The following GBF1 variants were observed in gnomAD, a reference collection of about 807,000 sequenced individuals.
GBF1 encodes golgi brefeldin A resistant guanine nucleotide exchange factor 1, also known as Golgi-specific brefeldin A-resistance guanine nucleotide exchange factor 1.
GBF1 carries 114 observed loss-of-function variants against 210.5 expected under a neutral mutation model. The ratio of observed to expected loss-of-function variants is 0.54; its 90% confidence interval spans 0.47 to 0.63. The LOEUF (loss-of-function observed/expected upper bound fraction) is 0.63, where lower values mean the gene tolerates loss of function less well. Among genes scored for constraint, GBF1 ranks in the 30% least tolerant of loss-of-function variants. The pLI is 0.00. For missense variants in GBF1, 1,851 were observed against 2,357.7 expected (o/e 0.79, Z 4.45); for synonymous variants, 850 against 889.2 (o/e 0.96, Z 0.78).
intron 3 of GBF1, among the ~76,000 whole-genome samples, chr10:102,326,244 A>G (rs2056890199): frequency 6.6e-6 from 1 of 152,250 alleles, no homozygotes; most frequent in African/African-American, 2.4e-5. Flanking sequence ...TCATACTTTT[A>G]GCAATGGGGA....
chr10:102,251,672 G>T (rs934985683), intron 1 of GBF1, among the ~76,000 whole-genome samples: 1 of 152,066 alleles, frequency 6.6e-6, no homozygotes, highest in African/African-American at 2.4e-5. Context: ...TCCTGCCTTA[G>T]CCTCCCAAGT....
At chr10:102,321,638 C>G (rs1292294959) in intron 3 of GBF1, among the ~76,000 whole-genome samples, 1 of 152,204 alleles carries the variant, frequency 6.6e-6, no homozygotes, top group Non-Finnish European at 1.5e-5. Context: ...GGCACGATCT[C>G]AGCTCACTGC....
At chr10:102,234,924 G>A in the GBF1 span, among the ~76,000 whole-genome samples, 1 of 152,142 alleles carries the variant, frequency 6.6e-6, no homozygotes, top group South Asian at 2.1e-4. Context: ...AGGAAAAGCC[G>A]AGGCCAGAAA....
rs1376423702 is a variant in GBF1, at chr10:102,366,018, C to T, written c.2310-365C>T. Among the ~76,000 whole-genome samples the T allele has an allele frequency of 6.6e-6, 1 of 151,972 alleles. No individual in the cohort carries two copies. The highest frequency in any genetic ancestry group is 1.5e-5 in the Non-Finnish European group (1 of 68,004). ...GGGACAGAACATCCCTACCTCAAAG[C>T]GGTCTCTATAAATTTCTTCTGGAGA... On this transcript the variant is annotated intron_variant, in intron 18 of 39. Transcript: ENST00000369983. The surrounding 1 kb of genome is among the most constrained non-coding windows in gnomAD (Gnocchi z 4.0).
At position 102,382,303 on chromosome 10, in the gene GBF1, C is replaced by T. The variant is rs755458970; in HGVS notation, c.5550C>T (p.Pro1850=). The T allele has an allele frequency of 1.2e-5, 20 of 1,613,128 alleles. 1 individual carries two copies. The South Asian group carries it at 2.1e-4, about 17-fold the overall frequency. The change falls in exon 40 of 40, where the codon CCC becomes CCT. Residue 1850 remains proline, a synonymous_variant. Coordinates refer to ENST00000369983, the MANE Select transcript of GBF1 (RefSeq NM_001377137.1). ...TGCCCCTCCTGGCCACACCCCGCCC[C>T]ACAGATCCCATACCCACCTCTGAGG... ...SPVPLLATPR[P]TDPIPTSEVN
At position 102,368,320 on chromosome 10, in the gene GBF1, C is replaced by G. The variant is rs779913700; in HGVS notation, c.2745C>G (p.Phe915Leu). 6.2e-7 allele frequency: 1 copy of G among 1,613,786 alleles called. No homozygotes were observed. The highest frequency in any genetic ancestry group is 8.5e-7 in the Non-Finnish European group (1 of 1,179,640). Reference sequence around the variant, plus strand: ...GAGGTGCCACCCCTGAGGGCATATTCCTGCGTGTGCCTACTGCCAGCTATG... The same window carrying G: ...GAGGTGCCACCCCTGAGGGCATATTGCTGCGTGTGCCTACTGCCAGCTATG... ...LHRGATPEGI[F>L]LRVPTASYDL... The change falls in exon 22 of 40, where the codon TTC becomes TTG. Residue 915 changes from phenylalanine to leucine, a missense_variant. Physicochemically the swap from Phe to Leu is conservative, Grantham distance 22. Transcript: ENST00000369983.
chr10:102,234,923 C>T, the GBF1 span, among the ~76,000 whole-genome samples: 4 of 152,106 alleles, frequency 2.6e-5, no homozygotes, highest in South Asian at 6.2e-4. Context: ...GAGGAAAAGC[C>T]GAGGCCAGAA....
At chr10:102,370,891 G>C (rs905554610) in intron 29 of GBF1, 31 bp downstream of exon 29, 10 of 1,602,626 alleles carry the variant, frequency 6.2e-6, no homozygotes, top group African/African-American at 1.3e-5. Flanking sequence ...AGAGTGGGCA[G>C]GTATGCAAGG....
At chr10:102,253,577 G>T (rs146145733) in intron 1 of GBF1, among the ~76,000 whole-genome samples, 1,557 of 152,194 alleles carry the variant, frequency 0.01, 22 homozygotes, top group African/African-American at 0.036. Flanking sequence ...ACAGTGGTGT[G>T]ATCGTGGCTC....
chr10:102,250,974 C>A, intron 1 of GBF1, among the ~76,000 whole-genome samples: 1 of 144,942 alleles, frequency 6.9e-6, no homozygotes, highest in Non-Finnish European at 1.5e-5. Context: ...AACAACCAAA[C>A]AAACACAAAA....
intron 1 of GBF1, among the ~76,000 whole-genome samples, chr10:102,250,013 A>C (rs2071311694): frequency 6.6e-6 from 1 of 152,116 alleles, no homozygotes; most frequent in Non-Finnish European, 1.5e-5. Context: ...AAAGGTATTG[A>C]GTGAACATAA....
At chr10:102,287,351 T>C (rs1450984060) in intron 3 of GBF1, among the ~76,000 whole-genome samples, 9 of 68,482 alleles carry the variant, frequency 1.3e-4, no homozygotes, top group Non-Finnish European at 2.0e-4. Flanking sequence ...TTTCTTTTTT[T>C]TTTTTTTTTT....
At chr10:102,327,786 T>C (rs2057016478) in intron 3 of GBF1, among the ~76,000 whole-genome samples, 1 of 152,204 alleles carries the variant, frequency 6.6e-6, no homozygotes, top group African/African-American at 2.4e-5. Flanking sequence ...TTTACCAGAA[T>C]AATGGAGCTT....
intron 4 of GBF1, 84 bp downstream of exon 4, chr10:102,344,266 G>T (rs1470636540): frequency 1.6e-6 from 2 of 1,258,170 alleles, no homozygotes; most frequent in African/African-American, 3.0e-5. Flanking sequence ...CAATGAGCTG[G>T]TGATAGTGGG....
At chr10:102,292,978 C>T (rs2076566428) in intron 3 of GBF1, among the ~76,000 whole-genome samples, 1 of 152,168 alleles carries the variant, frequency 6.6e-6, no homozygotes, top group African/African-American at 2.4e-5. Context: ...TTTCAAATTA[C>T]TGTTTCCAAA....
chr10:102,244,755 A>G (rs2070676397), upstream of GBF1, among the ~76,000 whole-genome samples: 1 of 152,222 alleles, frequency 6.6e-6, no homozygotes, highest in Non-Finnish European at 1.5e-5. Context: ...CCTGGGGGTG[A>G]GGAGACCCAG....
the GBF1 span, among the ~76,000 whole-genome samples, chr10:102,233,028 G>C: frequency 6.6e-6 from 1 of 152,204 alleles, no homozygotes; most frequent in Admixed American, 6.5e-5. Context: ...CACAGAGCTT[G>C]TAAGCAGTGG....
At chr10:102,281,507 TC>T (rs1432545090) in intron 3 of GBF1, among the ~76,000 whole-genome samples, 2 of 151,044 alleles carry the variant, frequency 1.3e-5, no homozygotes, top group Non-Finnish European at 3.0e-5. Context: ...AATTTTAGAA[TC>T]TATAAAGCAC....
At chr10:102,290,535 G>T (rs2076347175) in intron 3 of GBF1, among the ~76,000 whole-genome samples, 1 of 151,990 alleles carries the variant, frequency 6.6e-6, no homozygotes, top group South Asian at 2.1e-4. Context: ...CAGGGTCTCT[G>T]TCGCCCAGGC....
Sources: allele counts gnomAD v4.1 joint callset (sites outside exome capture counted in the v4.1 genomes callset), GRCh38; gene constraint gnomAD v4.1.1; non-coding constraint Gnocchi (gnomAD v3.1); transcripts MANE v1.5; gene names NCBI Gene and HGNC (gene_info 2026-07-23, HGNC 2026-07-21).